Variants in NOL4 observed in about 807,000 individuals in gnomAD.
The protein encoded by NOL4 is cancer/testis antigen 125.
Under a neutral mutation model 75.9 loss-of-function variants are expected in NOL4, and 17 were observed. The ratio of observed to expected loss-of-function variants is 0.22; its 90% CI spans 0.15 to 0.34. NOL4 has a LOEUF of 0.34. Ranked by LOEUF, NOL4 falls within the 10% of genes least tolerant of loss-of-function variation. The pLI is 1.00. For missense variants in NOL4, 614 were observed against 793.5 expected (o/e 0.77, Z 2.72); for synonymous variants, 292 against 289.9 (o/e 1.01, Z -0.07).
chr18:34,095,961 T>C (rs140254139), intron 4 of NOL4, among the ~76,000 whole-genome samples: 20 of 140,388 alleles, frequency 1.4e-4, no homozygotes, highest in African/African-American at 4.4e-4. Context: ...TATATGTATA[T>C]GAGGATATGT....
chr18:33,911,881 T>C (rs1157066755), intron 9 of NOL4, among the ~76,000 whole-genome samples: 1 of 152,138 alleles, frequency 6.6e-6, no homozygotes. Flanking sequence ...ATTTTTCCAC[T>C]ATTATTGTTT....
intron 8 of NOL4, among the ~76,000 whole-genome samples, chr18:33,943,708 T>C (rs1356133729): frequency 6.6e-6 from 1 of 151,950 alleles, no homozygotes; most frequent in Admixed American, 6.6e-5. Flanking sequence ...AATTAAAAAC[T>C]AAAAAGTCAG....
At chr18:34,115,920 T>C (rs2079834701) in intron 2 of NOL4, among the ~76,000 whole-genome samples, 1 of 152,138 alleles carries the variant, frequency 6.6e-6, no homozygotes, top group South Asian at 2.1e-4. Flanking sequence ...ACAAGGTACA[T>C]TTTTCATAAC....
chr18:33,926,447 C>T (rs901914781), intron 9 of NOL4, among the ~76,000 whole-genome samples: 1 of 151,020 alleles, frequency 6.6e-6, no homozygotes, highest in Non-Finnish European at 1.5e-5. Flanking sequence ...ATCAAGGCTA[C>T]CTTTTTCCTC....
chr18:34,019,398 T>C lies in NOL4; in HGVS notation c.976A>G (p.Ser326Gly), dbSNP rs752695726. 9 of 1,613,894 alleles carry C rather than the reference T, an allele frequency of 5.6e-6. No individual in the cohort carries two copies. In the African/African-American group the frequency reaches 1.1e-4, roughly 19 times the overall value. Residue 326 changes from serine to glycine, a missense_variant, in exon 6 of 11, where the codon AGT becomes GGT. Physicochemically the swap from Ser to Gly is moderately conservative, Grantham distance 56. This residue lies in a region of NOL4 where 196 missense variants were observed against 167.9 expected (regional missense o/e 1.17). Transcript: ENST00000261592. ...TSEYRIDDHN[S>G]NGKNKYKNLL... The stretch of plus-strand genomic sequence containing the variant: ...TTCTTATACTTGTTTTTCCCATTAC[T>C]GTTGTGATCATCTATTCTGTATTCC...
intron 1 of NOL4, among the ~76,000 whole-genome samples, chr18:34,140,453 T>C (rs1052691950): frequency 6.6e-6 from 1 of 152,202 alleles, no homozygotes; most frequent in African/African-American, 2.4e-5. Context: ...TTGTCTCTTT[T>C]GATCTTTGTT....
At chr18:33,968,833 A>AT (rs1555677004) in intron 6 of NOL4, among the ~76,000 whole-genome samples, 9 of 151,964 alleles carry the variant, frequency 5.9e-5, no homozygotes, top group Admixed American at 5.9e-4. Context: ...AATAAATGAC[A>AT]TTTTCCCATT....
chr18:33,963,277 G>A (rs980645213), intron 6 of NOL4, among the ~76,000 whole-genome samples: 4 of 152,128 alleles, frequency 2.6e-5, no homozygotes, highest in Middle Eastern at 3.2e-3. Flanking sequence ...TCCAAGACAT[G>A]AGCTTTACAG....
intron 1 of NOL4, chr18:34,222,406 T>C (rs534273208): frequency 7.1e-6 from 8 of 1,134,468 alleles, no homozygotes; most frequent in African/African-American, 1.6e-5. Flanking sequence ...GCGGCAACGA[T>C]CTCTGGGAGT....
chr18:34,074,250 A>C (rs1275331300), intron 5 of NOL4, among the ~76,000 whole-genome samples: 1 of 151,730 alleles, frequency 6.6e-6, no homozygotes, highest in Non-Finnish European at 1.5e-5. Flanking sequence ...CTGAGATTGT[A>C]AATTATTTAT....
At chr18:33,969,990 C>T (rs758545276) in intron 6 of NOL4, among the ~76,000 whole-genome samples, 9 of 152,072 alleles carry the variant, frequency 5.9e-5, no homozygotes, top group East Asian at 1.9e-4. Flanking sequence ...TTTTGTCATG[C>T]GTTGAAATCG....
intron 10 of NOL4, among the ~76,000 whole-genome samples, chr18:33,863,090 C>G (rs1462780824): frequency 1.3e-5 from 2 of 152,088 alleles, no homozygotes; most frequent in Non-Finnish European, 2.9e-5. Flanking sequence ...ACTATGCAGC[C>G]ATAAAAAATG....
chr18:34,159,673 C>G (rs2146161372), intron 1 of NOL4, among the ~76,000 whole-genome samples: 1 of 152,248 alleles, frequency 6.6e-6, no homozygotes, highest in East Asian at 1.9e-4. Context: ...CCTGTATGTC[C>G]CGACCCGACC....
chr18:33,916,483 T>C lies in NOL4; in HGVS notation c.1542+26582A>G, dbSNP rs560177327. On this transcript the variant is annotated intron_variant, in intron 9 of 10. Transcript: ENST00000261592. ...CTCTTTTATAGGTGGCTAGGATAGG[T>C]TGAAGGAAAATGGTATCCAAAGCAA... is the stretch of plus-strand genomic sequence containing the variant. Among the ~76,000 whole-genome samples the C allele has an allele frequency of 4.6e-5, 7 of 152,104 alleles. No individual in the cohort carries two copies. In the South Asian group the frequency reaches 1.5e-3, roughly 32 times the overall value.
At chr18:34,209,740 G>A (rs1029131547) in intron 1 of NOL4, among the ~76,000 whole-genome samples, 1 of 152,176 alleles carries the variant, frequency 6.6e-6, no homozygotes, top group Non-Finnish European at 1.5e-5. Flanking sequence ...GCCATCATTG[G>A]CAACAGTTCA....
chr18:33,952,885 T>C lies in NOL4; in HGVS notation c.1428+4441A>G, dbSNP rs949441695. Among the ~76,000 whole-genome samples the C allele has an allele frequency of 2.6e-5, 4 of 152,092 alleles. No homozygotes were observed. The East Asian group carries it at 7.7e-4, about 29-fold the overall frequency. On this transcript the variant is annotated intron_variant, in intron 8 of 10. Coordinates refer to ENST00000261592, the MANE Select transcript of NOL4 (RefSeq NM_003787.5). ...GTTGCGGTGAGCTGAGGTCATGCCA[T>C]TGCACTCCAGCCTGGGCAACAAGAG...
Position 34,185,947 on chromosome 18 carries a change from G to A in NOL4, c.264+37043C>T, listed in dbSNP as rs1009080808. 2.6e-5 allele frequency among the ~76,000 whole-genome samples: 4 copies of A among 152,232 alleles called. No individual in the cohort carries two copies. The South Asian group carries it at 8.3e-4, about 32-fold the overall frequency. ...GCCTAATATGACAGCTAACAGTCCT[G>A]TGATGCAGGAATATTTTTCTTACTT... On this transcript the variant is annotated intron_variant, in intron 1 of 10. Transcript: ENST00000261592.
Position 34,109,373 on chromosome 18 carries a change from G to A in NOL4, c.415-4213C>T, listed in dbSNP as rs142435965. ...AAAAGATTATAAAAAGTAAAAATTC[G>A]TCGGGCATGGTGGCATGCACCTGTA... On this transcript the variant is annotated intron_variant, in intron 2 of 10. Coordinates refer to ENST00000261592, the MANE Select transcript of NOL4 (RefSeq NM_003787.5). 5.0e-3 allele frequency among the ~76,000 whole-genome samples: 755 copies of A among 151,956 alleles called. 3 individuals are homozygous for A. The highest frequency in any genetic ancestry group is 7.3e-3 in the Non-Finnish European group (497 of 67,958).
Position 33,883,244 on chromosome 18 carries a change from C to T in NOL4, c.1723G>A (p.Gly575Arg). The change falls in exon 10 of 11, where the codon GGA becomes AGA. Residue 575 changes from glycine (G) to arginine (R), a missense_variant and splice_region_variant. By Grantham distance (125) the Gly-to-Arg change is moderately radical (BLOSUM62 -2). Coordinates refer to ENST00000261592, the MANE Select transcript of NOL4 (RefSeq NM_003787.5). ...AACACAATCTATGATAAATACTCAC[C>T]ACTGCTGGAAGCATCATTCAGATTT... ...LLNLNDASSSGPTDLSMKRQL... is the reference protein window; with the variant it reads ...LLNLNDASSSRPTDLSMKRQL... The T allele has an allele frequency of 6.3e-7, 1 of 1,577,742 alleles. No individual in the cohort carries two copies. The highest frequency in any genetic ancestry group is 8.6e-7 in the Non-Finnish European group (1 of 1,166,762).
Sources: allele counts gnomAD v4.1 joint callset (sites outside exome capture counted in the v4.1 genomes callset), GRCh38; gene constraint gnomAD v4.1.1; regional missense constraint gnomAD v4.1.1; transcripts MANE v1.5; gene names NCBI Gene and HGNC (gene_info 2026-07-23, HGNC 2026-07-21).